TULP4: variants seen among roughly 807,000 people sequenced by gnomAD.
TULP4 encodes the protein TUB like protein 4.
Under a neutral mutation model 129.0 loss-of-function variants are expected in TULP4, and 16 were observed. The observed-to-expected ratio is 0.12, with a 90% CI of 0.08 to 0.19. The LOEUF (loss-of-function observed/expected upper bound fraction) is 0.19. Among genes scored for constraint, TULP4 ranks in the 10% least tolerant of loss-of-function variants. The pLI is 1.00. For synonymous variants in TULP4, 998 were observed against 854.0 expected (o/e 1.17, Z -2.94); for missense variants, 1,842 against 2,059.1 (o/e 0.89, Z 2.04).
intron 1 of TULP4, among the ~76,000 whole-genome samples, chr6:158,363,775 G>A (rs969395931): frequency 6.6e-6 from 1 of 152,052 alleles, no homozygotes; most frequent in East Asian, 1.9e-4. Context: ...GTGAGCCACC[G>A]CGCAAGGCCG....
At chr6:158,374,298 A>G (rs961574073) in intron 1 of TULP4, among the ~76,000 whole-genome samples, 11 of 152,074 alleles carry the variant, frequency 7.2e-5, no homozygotes, top group African/African-American at 2.7e-4. Flanking sequence ...AAAGAAAAAA[A>G]AAAAAAAAAA....
intron 1 of TULP4, among the ~76,000 whole-genome samples, chr6:158,321,509 G>A (rs533161863): frequency 3.3e-5 from 5 of 152,116 alleles, no homozygotes; most frequent in South Asian, 2.1e-4. Flanking sequence ...GCAGACTATC[G>A]GTCACCCAGA....
At chr6:158,347,449 G>A (rs76511106) in intron 1 of TULP4, among the ~76,000 whole-genome samples, 2,706 of 152,250 alleles carry the variant, frequency 0.018, 87 homozygotes, top group African/African-American at 0.06. Flanking sequence ...TGGTTACCAG[G>A]CTTCTCTTCT....
At chr6:158,331,716 C>T (rs866763692) in intron 1 of TULP4, among the ~76,000 whole-genome samples, 39,332 of 49,664 alleles carry the variant, frequency 0.79, 16,938 homozygotes, top group East Asian at 0.88. Flanking sequence ...CACACACACA[C>T]ACACACACAC....
At chr6:158,367,246 A>T (rs907233319) in intron 1 of TULP4, among the ~76,000 whole-genome samples, 1 of 152,036 alleles carries the variant, frequency 6.6e-6, no homozygotes, top group Admixed American at 6.6e-5. Context: ...ACTTTCTCTT[A>T]GGAAGTTATA....
intron 1 of TULP4, among the ~76,000 whole-genome samples, chr6:158,397,034 A>AT (rs1777733578): frequency 6.6e-6 from 1 of 152,120 alleles, no homozygotes; most frequent in African/African-American, 2.4e-5. Flanking sequence ...CAGGAGAGAG[A>AT]TTTTCAATAG....
chr6:158,313,220 G>C lies in TULP4; in HGVS notation c.-797G>C, dbSNP rs1053401195. 2.9e-6 allele frequency: 1 copy of C among 339,142 alleles called. No homozygotes were observed. The highest frequency in any genetic ancestry group is 2.1e-5 in the African/African-American group (1 of 47,450). 21.0% of individuals were successfully genotyped at this position (339,142 alleles called of 1,614,324 possible). ...TCTTTCTAGCCTCTATGGCACTGAG[G>C]GGTGCGCCGGCTGGTGGAGGAGCAG... On this transcript the variant is annotated 5_prime_UTR_variant, in exon 1 of 14. Transcript: ENST00000367097.
rs71030150 is a variant in TULP4, at chr6:158,238,415, GTTT to G, written n.68+6127_68+6129del. The G allele has an allele frequency of 2.1e-3, 660 of 319,236 alleles. 1 individual carries two copies. The highest frequency in any genetic ancestry group is 2.1e-3 in the Non-Finnish European group (390 of 182,470). The allele number at this position is 319,236 out of a possible 1,614,324, so 19.8% of individuals were successfully genotyped here. ...ATAGCAAGTAATGCCTTGTTAAATT[GTTT>G]TTTTTTTTTTTTTTAAATTTATTTT... On this transcript the variant is annotated intron_variant and non_coding_transcript_variant, in intron 1 of 1. Coordinates refer to the TULP4 transcript ENST00000620026.
chr6:158,478,376 G>C (rs748813556), intron 6 of TULP4, among the ~76,000 whole-genome samples: 1 of 152,218 alleles, frequency 6.6e-6, no homozygotes, highest in Non-Finnish European at 1.5e-5. Context: ...TACTAATAGA[G>C]CCTCTGTCCT....
chr6:158,461,469 C>G, intron 5 of TULP4, 94 bp from the exon 6 acceptor site: 9 of 1,147,562 alleles, frequency 7.8e-6, no homozygotes, highest in South Asian at 1.5e-5. Context: ...TGCTCAGTGT[C>G]TGTATTTTTT....
At position 158,506,800 on chromosome 6, in the gene TULP4, C is replaced by G; in HGVS notation, c.*106C>G. 1 of 773,672 alleles carries G rather than the reference C, an allele frequency of 1.3e-6. No homozygotes were observed. The highest frequency in any genetic ancestry group is 2.3e-5 in the Admixed American group (1 of 44,236). 47.9% of individuals were successfully genotyped at this position (773,672 alleles called of 1,614,324 possible). A position where few individuals can be genotyped will look rare whatever the true frequency, so the allele number is the denominator to read the frequency against. The stretch of plus-strand genomic sequence containing the variant: ...TCCGATGCCTGGGAGGACCAGAAGC[C>G]AACAGCAAAACTGGAAAAGCCCGGC... On this transcript the variant is annotated 3_prime_UTR_variant, in exon 14 of 14. Coordinates refer to ENST00000367097, the MANE Select transcript of TULP4 (RefSeq NM_020245.5).
At chr6:158,494,113 C>G (rs1408317724) in intron 10 of TULP4, among the ~76,000 whole-genome samples, 1 of 152,192 alleles carries the variant, frequency 6.6e-6, no homozygotes, top group South Asian at 2.1e-4. Flanking sequence ...TCGTTTCTGC[C>G]CCATGCTTCC....
intron 3 of TULP4, among the ~76,000 whole-genome samples, chr6:158,441,999 C>T (rs770479050): frequency 2.6e-5 from 4 of 152,178 alleles, no homozygotes; most frequent in Non-Finnish European, 5.9e-5. Context: ...AGCCCCCTTC[C>T]TGCTTTTCAG....
chr6:158,431,713 G>T (rs1778632676), intron 3 of TULP4, among the ~76,000 whole-genome samples: 2 of 152,086 alleles, frequency 1.3e-5, no homozygotes, highest in Admixed American at 6.5e-5. Context: ...TTGACACCAT[G>T]GTGTGCACGT....
At chr6:158,253,811 G>A (rs1778192025) in intron 1 of TULP4, among the ~76,000 whole-genome samples, 1 of 152,164 alleles carries the variant, frequency 6.6e-6, no homozygotes. Flanking sequence ...AAGGTGGGCG[G>A]ATCACCTGAG....
At chr6:158,422,145 A>G (rs1274340160) in intron 2 of TULP4, among the ~76,000 whole-genome samples, 1 of 152,230 alleles carries the variant, frequency 6.6e-6, no homozygotes. Flanking sequence ...AAATTAGTAC[A>G]ATAGGGAAAA....
intron 1 of TULP4, among the ~76,000 whole-genome samples, chr6:158,351,204 T>C (rs1007034059): frequency 1.3e-5 from 2 of 152,212 alleles, no homozygotes; most frequent in Admixed American, 1.3e-4. Flanking sequence ...TGTAGGCACC[T>C]TGATGAAAAA....
At chr6:158,415,609 G>A (rs341155) in intron 2 of TULP4, among the ~76,000 whole-genome samples, 38,641 of 147,576 alleles carry the variant, frequency 0.26, 5,884 homozygotes, top group Middle Eastern at 0.36. Flanking sequence ...ATCCACCCGC[G>A]TCAGCCTCCC....
intron 1 of TULP4, among the ~76,000 whole-genome samples, chr6:158,351,707 CTTTTTTTTTTTTTT>C (rs1160814801): frequency 9.9e-5 from 5 of 50,496 alleles, no homozygotes; most frequent in East Asian, 7.4e-4. Context: ...TGTTGTTAAA[CTTTTTTTTTTTTTT>C]TTTTTTTTTT....
Sources: gnomAD v4.1 joint callset for allele counts (sites outside exome capture counted in the v4.1 genomes callset) on GRCh38, gnomAD v4.1.1 for gene constraint, MANE v1.5 for transcripts, NCBI Gene and HGNC (gene_info 2026-07-23, HGNC 2026-07-21) for gene names.